PPARGC1A: variants seen among roughly 807,000 people sequenced by gnomAD.
PPARGC1A encodes PPARG coactivator 1 alpha.
In PPARGC1A, 25 loss-of-function variants were observed where a neutral mutation model predicts 88.7. The ratio of observed to expected loss-of-function variants is 0.28; its 90% CI spans 0.21 to 0.39. The LOEUF (loss-of-function observed/expected upper bound fraction) is 0.39. Among genes scored for constraint, PPARGC1A ranks in the 10% least tolerant of loss-of-function variants. PPARGC1A has a pLI of 1.00. For missense variants in PPARGC1A, 880 were observed against 968.7 expected (o/e 0.91, Z 1.22); for synonymous variants, 363 against 355.6 (o/e 1.02, Z -0.24).
At chr4:24,274,788 G>A in the PPARGC1A span, among the ~76,000 whole-genome samples, 7 of 151,966 alleles carry the variant, frequency 4.6e-5, 1 homozygote, top group Admixed American at 1.3e-4. Context: ...AGCTGCTATT[G>A]GCCCTCACCT....
the PPARGC1A span, among the ~76,000 whole-genome samples, chr4:23,915,167 CTT>C: frequency 6.6e-6 from 1 of 151,254 alleles, no homozygotes; most frequent in Non-Finnish European, 1.5e-5. Flanking sequence ...AATTTATTTT[CTT>C]TTTTTTTAAA....
intron 2 of PPARGC1A, among the ~76,000 whole-genome samples, chr4:23,869,274 G>T (rs1348436041): frequency 6.6e-6 from 1 of 152,314 alleles, no homozygotes; most frequent in East Asian, 1.9e-4. Context: ...CATGAGGAAA[G>T]ACACAGATGT....
At chr4:24,202,672 G>C in the PPARGC1A span, among the ~76,000 whole-genome samples, 1 of 152,110 alleles carries the variant, frequency 6.6e-6, no homozygotes, top group African/African-American at 2.4e-5. Context: ...GGACACAGGG[G>C]ACACTGCCCA....
chr4:24,389,960 T>G, the PPARGC1A span, among the ~76,000 whole-genome samples: 6 of 152,104 alleles, frequency 3.9e-5, no homozygotes, highest in African/African-American at 1.4e-4. Flanking sequence ...TAGTTGAGAG[T>G]TTGTGACCTC....
intron 2 of PPARGC1A, among the ~76,000 whole-genome samples, chr4:23,844,199 CA>C (rs147731647): frequency 7.6e-4 from 113 of 148,934 alleles, no homozygotes; most frequent in African/African-American, 2.4e-3. Flanking sequence ...AACACACATA[CA>C]AAAAAATTAT....
At chr4:23,905,883 C>T (rs1719970785), upstream of PPARGC1A, among the ~76,000 whole-genome samples, 1 of 152,182 alleles carries the variant, frequency 6.6e-6, no homozygotes, top group African/African-American at 2.4e-5. Flanking sequence ...TTGTGCCCAA[C>T]AGTCGCATAA....
chr4:24,158,552 T>C, the PPARGC1A span, among the ~76,000 whole-genome samples: 1 of 152,304 alleles, frequency 6.6e-6, no homozygotes, highest in South Asian at 2.1e-4. Flanking sequence ...TAGATAATTA[T>C]ATTGTAATTA....
At chr4:24,285,815 C>T in the PPARGC1A span, among the ~76,000 whole-genome samples, 2 of 152,176 alleles carry the variant, frequency 1.3e-5, no homozygotes, top group Non-Finnish European at 2.9e-5. Flanking sequence ...TTCTTCATTT[C>T]CCCACCACTT....
the PPARGC1A span, among the ~76,000 whole-genome samples, chr4:24,269,153 T>C: frequency 6.6e-6 from 1 of 152,244 alleles, no homozygotes; most frequent in East Asian, 1.9e-4. Flanking sequence ...TCTTTCTGGA[T>C]TTTGGGTTTT....
chr4:24,128,120 A>G, the PPARGC1A span, among the ~76,000 whole-genome samples: 620 of 152,286 alleles, frequency 4.1e-3, 2 homozygotes, highest in Admixed American at 6.6e-3. Context: ...ACGAAGGTCC[A>G]GGGCTGCTGC....
the PPARGC1A span, among the ~76,000 whole-genome samples, chr4:24,166,969 T>C: frequency 2.6e-5 from 4 of 152,322 alleles, 1 homozygote; most frequent in African/African-American, 9.6e-5. Flanking sequence ...AATTTTCAAG[T>C]CTTATTATTT....
chr4:23,975,319 T>C, the PPARGC1A span, among the ~76,000 whole-genome samples: 1 of 152,198 alleles, frequency 6.6e-6, no homozygotes, highest in African/African-American at 2.4e-5. Flanking sequence ...AACAACCATG[T>C]GAAAATAAGA....
the PPARGC1A span, among the ~76,000 whole-genome samples, chr4:23,998,686 C>T: frequency 6.6e-6 from 1 of 152,280 alleles, no homozygotes; most frequent in African/African-American, 2.4e-5. Context: ...AATTTTGTCT[C>T]TTTAAAATTT....
At chr4:23,877,537 CAAAAAAAAAA>C (rs11354781) in intron 2 of PPARGC1A, among the ~76,000 whole-genome samples, 3 of 49,868 alleles carry the variant, frequency 6.0e-5, no homozygotes, top group South Asian at 2.6e-3. Flanking sequence ...GACTCCATCT[CAAAAAAAAAA>C]AAAAAAAAAA....
chr4:23,969,381 T>C, the PPARGC1A span, among the ~76,000 whole-genome samples: 3,186 of 152,292 alleles, frequency 0.021, 112 homozygotes, highest in African/African-American at 0.072. Context: ...CCCAAACATG[T>C]TAATTGGCCT....
Position 23,795,719 on chromosome 4 carries a change from G to A in PPARGC1A, c.*103C>T. ...TTTGTTTTTGTACAGAGAGTGTAAA[G>A]TAGGAGAAATTCCTAAGTATGACTT... On this transcript the variant is annotated 3_prime_UTR_variant, in exon 13 of 13. Transcript: ENST00000264867. The A allele has an allele frequency of 2.5e-6, 2 of 814,220 alleles. No individual in the cohort carries two copies. Among genetic ancestry groups the A allele is most frequent in the Non-Finnish European group, 3.9e-6 (2 of 515,438 alleles). The allele number at this position is 814,220 out of a possible 1,614,324, so 50.4% of individuals were successfully genotyped here.
the PPARGC1A span, among the ~76,000 whole-genome samples, chr4:24,320,968 C>A: frequency 6.6e-6 from 1 of 152,160 alleles, no homozygotes; most frequent in Non-Finnish European, 1.5e-5. Context: ...CCTTACAAGT[C>A]CAAGAAGATA....
At chr4:24,287,114 C>T in the PPARGC1A span, among the ~76,000 whole-genome samples, 1 of 151,786 alleles carries the variant, frequency 6.6e-6, no homozygotes, top group Non-Finnish European at 1.5e-5. Flanking sequence ...TCTTTGTTGC[C>T]AGGGCTGTCC....
At chr4:24,408,226 A>G in the PPARGC1A span, among the ~76,000 whole-genome samples, 1 of 151,576 alleles carries the variant, frequency 6.6e-6, no homozygotes, top group Non-Finnish European at 1.5e-5. Flanking sequence ...AAGACAAACT[A>G]CTCTGCTGCT....
Sources: gnomAD v4.1 joint callset for allele counts (sites outside exome capture counted in the v4.1 genomes callset) on GRCh38, gnomAD v4.1.1 for gene constraint, MANE v1.5 for transcripts, NCBI Gene and HGNC (gene_info 2026-07-23, HGNC 2026-07-21) for gene names.